The following MUSK variants were observed in gnomAD, a reference collection of about 807,000 sequenced individuals.
The protein encoded by MUSK is muscle, skeletal receptor tyrosine-protein kinase.
A neutral mutation model predicts 88.7 loss-of-function variants in MUSK; 55 were observed. The ratio of observed to expected loss-of-function variants is 0.62; its 90% CI spans 0.50 to 0.78. The LOEUF (loss-of-function observed/expected upper bound fraction) is 0.78. MUSK is among the 30% of genes least tolerant of loss of function. The pLI, the probability that MUSK is intolerant of heterozygous loss-of-function variation, is 0.00. For missense variants in MUSK, 1,015 were observed against 1,074.3 expected (o/e 0.94, Z 0.77); for synonymous variants, 387 against 391.9 (o/e 0.99, Z 0.15).
chr9:110,788,092 A>T (rs988997094), intron 14 of MUSK: 1 of 444,912 alleles, frequency 2.2e-6, no homozygotes, highest in South Asian at 2.6e-5. Context: ...AATGTTTAAA[A>T]TGTCCCCATT....
chr9:110,739,359 A>C (rs1397884827), intron 6 of MUSK, among the ~76,000 whole-genome samples: 1 of 152,184 alleles, frequency 6.6e-6, no homozygotes, highest in African/African-American at 2.4e-5. Flanking sequence ...TGCATGAAGT[A>C]TTGTCAACCA....
At chr9:110,798,434 T>TA (rs1294157458) in intron 14 of MUSK, among the ~76,000 whole-genome samples, 22 of 152,308 alleles carry the variant, frequency 1.4e-4, no homozygotes, top group African/African-American at 5.1e-4. Context: ...TATAGACTCT[T>TA]ACGGAATATT....
chr9:110,708,114 A>G (rs1174392951), intron 5 of MUSK, among the ~76,000 whole-genome samples: 2 of 152,096 alleles, frequency 1.3e-5, no homozygotes, highest in Non-Finnish European at 2.9e-5. Context: ...CTATCTATCT[A>G]TCTATCTATC....
At chr9:110,726,181 A>G (rs150706402) in intron 5 of MUSK, among the ~76,000 whole-genome samples, 4 of 152,166 alleles carry the variant, frequency 2.6e-5, no homozygotes, top group African/African-American at 4.8e-5. Flanking sequence ...TTGATAGTCT[A>G]TAACTGAAAC....
Position 110,695,421 on chromosome 9 carries a change from C to A in MUSK, c.377C>A (p.Pro126His). 1 of 1,517,032 alleles carries A rather than the reference C, an allele frequency of 6.6e-7. No homozygotes were observed. The highest frequency in any genetic ancestry group is 8.9e-7 in the Non-Finnish European group (1 of 1,119,794). The allele number at this position is 1,517,032 out of a possible 1,614,324, so 94.0% of individuals were successfully genotyped here. A position where few individuals can be genotyped will look rare whatever the true frequency, so the allele number is the denominator to read the frequency against. Reference protein sequence around the residue: ...QVKMKPKITRPPINVKIIEGL... With the variant: ...QVKMKPKITRHPINVKIIEGL... ...TTTTTAGAACCTAAAATAACTCGTC[C>A]TCCCATAAATGTGAAAATAATAGAG... is the stretch of plus-strand genomic sequence containing the variant. The change falls in exon 4 of 15, where the codon CCT (proline) becomes CAT (histidine). Residue 126 changes from proline (P) to histidine (H), a missense_variant. Physicochemically the swap from Pro to His is moderately conservative, Grantham distance 77. Transcript: ENST00000374448.
intron 6 of MUSK, 94 bp from the exon 7 acceptor site, chr9:110,747,547 G>C (rs1279706142): frequency 4.5e-6 from 6 of 1,324,136 alleles, no homozygotes; most frequent in Non-Finnish European, 5.2e-6. Context: ...ACATGCACTT[G>C]ATTATAATCT....
At chr9:110,689,947 T>C (rs2076293107) in intron 3 of MUSK, among the ~76,000 whole-genome samples, 1 of 91,060 alleles carries the variant, frequency 1.1e-5, no homozygotes, top group Non-Finnish European at 1.8e-5. Flanking sequence ...AATATATATT[T>C]AAATATAAAT....
In MUSK at chr9:110,805,712, T is replaced by C. The variant is rs2078152302; in HGVS notation, c.*4724T>C. On this transcript the variant is annotated 3_prime_UTR_variant, in exon 15 of 15. Transcript: ENST00000374448. ...TTTTTCCCTAATGGATTTGTTAATA[T>C]GTTCAATTGTATGAATTTATTTCCT... Among the ~76,000 whole-genome samples, 1 of 152,030 alleles carries C rather than the reference T, an allele frequency of 6.6e-6. No homozygotes were observed.
chr9:110,719,660 A>G (rs1283073598), intron 5 of MUSK, among the ~76,000 whole-genome samples: 1 of 152,148 alleles, frequency 6.6e-6, no homozygotes, highest in African/African-American at 2.4e-5. Flanking sequence ...TTAATACTAC[A>G]CTGATAGCAC....
chr9:110,694,592 A>C (rs2076407647), intron 3 of MUSK, among the ~76,000 whole-genome samples: 1 of 152,134 alleles, frequency 6.6e-6, no homozygotes, highest in Non-Finnish European at 1.5e-5. Context: ...AAATGTGTCC[A>C]TTGCTCAGTA....
At position 110,788,795 on chromosome 9, in the gene MUSK, G is replaced by T. The variant is rs566332820; in HGVS notation, c.1927+957G>T. 2.6e-5 allele frequency among the ~76,000 whole-genome samples: 4 copies of T among 152,254 alleles called. No individual in the cohort carries two copies. The South Asian group carries it at 8.3e-4, about 32-fold the overall frequency. ...GAGAAGTTGGAATGTGAGCTACAAA[G>T]TTTGAAGACTTCAGTGAAAATATTA... On this transcript the variant is annotated intron_variant, in intron 14 of 14. Transcript: ENST00000374448.
chr9:110,716,647 C>A (rs1271145592), intron 5 of MUSK, among the ~76,000 whole-genome samples: 1 of 150,020 alleles, frequency 6.7e-6, no homozygotes, highest in Non-Finnish European at 1.5e-5. Context: ...ATGCTGCCCT[C>A]ATAATTTAAA....
At chr9:110,671,000 T>C (rs1324971574) in intron 1 of MUSK, among the ~76,000 whole-genome samples, 1 of 152,030 alleles carries the variant, frequency 6.6e-6, no homozygotes, top group Non-Finnish European at 1.5e-5. Flanking sequence ...TGAGACAGAG[T>C]CTCGTTCTGT....
chr9:110,691,146 T>A (rs932964553), intron 3 of MUSK, among the ~76,000 whole-genome samples: 9 of 152,124 alleles, frequency 5.9e-5, no homozygotes, highest in Admixed American at 4.6e-4. Flanking sequence ...ATTACAGGCA[T>A]GAGCCTGTTT....
intron 9 of MUSK, among the ~76,000 whole-genome samples, chr9:110,768,933 A>G (rs2077526097): frequency 6.6e-6 from 1 of 152,196 alleles, no homozygotes. Context: ...TGTTCAATAG[A>G]ATTATCTTCA....
At chr9:110,781,484 G>C (rs954514782) in intron 11 of MUSK, among the ~76,000 whole-genome samples, 5 of 152,136 alleles carry the variant, frequency 3.3e-5, no homozygotes, top group Admixed American at 1.3e-4. Flanking sequence ...CACCGTGTTA[G>C]CCAGGATGGT....
intron 13 of MUSK, among the ~76,000 whole-genome samples, chr9:110,786,269 C>A (rs1248604583): frequency 6.8e-6 from 1 of 147,982 alleles, no homozygotes; most frequent in Non-Finnish European, 1.5e-5. Context: ...CAAGATCGCG[C>A]CACTGCACTC....
intron 1 of MUSK, among the ~76,000 whole-genome samples, chr9:110,680,903 C>T (rs1224986175): frequency 2.4e-5 from 3 of 123,484 alleles, no homozygotes; most frequent in Admixed American, 9.7e-5. Context: ...TTAATAGTGT[C>T]CATGTCTGTA....
At chr9:110,691,399 T>C (rs773683398) in intron 3 of MUSK, among the ~76,000 whole-genome samples, 36 of 152,276 alleles carry the variant, frequency 2.4e-4, no homozygotes, top group Non-Finnish European at 4.6e-4. Flanking sequence ...TCAGTCTCTC[T>C]CATTCTCCTA....
Sources: gnomAD v4.1 joint callset for allele counts (sites outside exome capture counted in the v4.1 genomes callset) on GRCh38, gnomAD v4.1.1 for gene constraint, MANE v1.5 for transcripts, NCBI Gene and HGNC (gene_info 2026-07-23, HGNC 2026-07-21) for gene names.